Variants in PHACTR2 observed in about 807,000 individuals in gnomAD.
The protein encoded by PHACTR2 is chromosome 6 open reading frame 56.
In PHACTR2, 30 loss-of-function variants were observed where a neutral mutation model predicts 76.0. The observed-to-expected ratio is 0.39, with a 90% confidence interval of 0.30 to 0.54. The LOEUF (loss-of-function observed/expected upper bound fraction) is 0.54, where lower values mean the gene tolerates loss of function less well. Ranked by LOEUF, PHACTR2 falls within the 20% of genes least tolerant of loss-of-function variation. The probability of loss-of-function intolerance (pLI) is 0.61; values close to 1 mark genes in which losing one functional copy is unlikely to be tolerated. For missense variants in PHACTR2, 696 were observed against 781.1 expected (o/e 0.89, Z 1.30); for synonymous variants, 292 against 292.5 (o/e 1.00, Z 0.02).
chr6:143,771,178 ATATATATATATGTG>A (rs1562300771), intron 6 of PHACTR2, among the ~76,000 whole-genome samples: 56 of 26,114 alleles, frequency 2.1e-3, no homozygotes, highest in African/African-American at 9.0e-3. Flanking sequence ...ATATATGTAT[ATATATATATATGTG>A]TGTATATATA....
intron 1 of PHACTR2, among the ~76,000 whole-genome samples, chr6:143,565,163 A>G (rs770574874): frequency 5.9e-5 from 9 of 152,210 alleles, no homozygotes; most frequent in Non-Finnish European, 1.2e-4. Flanking sequence ...CATGCTAGGC[A>G]TTGTTCTAGG....
chr6:143,831,117 TTATA>T lies in PHACTR2; in HGVS notation c.*7430_*7433del, dbSNP rs1276147933. On this transcript the variant is annotated 3_prime_UTR_variant, in exon 13 of 13. Transcript: ENST00000440869. The surrounding 1 kb of genome is among the most constrained non-coding windows in gnomAD (Gnocchi z 5.2). ...GATATTGATGTTTTTATTGCCATTA[TTATA>T]TGTAAACATAAAAGATAGTCCATTT... 6.6e-6 allele frequency: 1 copy of T among 152,240 alleles called. No individual in the cohort carries two copies. Among genetic ancestry groups the T allele is most frequent in the African/African-American group, 2.4e-5 (1 of 41,456 alleles). The allele number at this position is 152,240 out of a possible 1,614,324, so 9.4% of individuals were successfully genotyped here. A position where few individuals can be genotyped will look rare whatever the true frequency, so the allele number is the denominator to read the frequency against.
rs1776360205 is a variant in PHACTR2, at chr6:143,819,045, A to C, written c.1923-4629A>C. On this transcript the variant is annotated intron_variant, in intron 12 of 12. Transcript: ENST00000440869. The surrounding 1 kb of genome is among the most constrained non-coding windows in gnomAD (Gnocchi z 5.0). ...TGTATATTAGTATACATTTACTTGTAATTAAGTTTAGGGGCTTCTGATTGG... is the reference window on the plus strand; with the variant it reads ...TGTATATTAGTATACATTTACTTGTCATTAAGTTTAGGGGCTTCTGATTGG... Among the ~76,000 whole-genome samples the C allele has an allele frequency of 6.6e-6, 1 of 152,168 alleles. No homozygotes were observed. The highest frequency in any genetic ancestry group is 6.5e-5 in the Admixed American group (1 of 15,280).
rs976859151 is a variant in PHACTR2, at chr6:143,718,266, A to G, written c.214+6083A>G. ...AGGTTCTGCTCCAAGAACTTGATTC[A>G]TATTAACTCACTAAATCATCAGTAC... On this transcript the variant is annotated intron_variant, in intron 2 of 12. Coordinates refer to ENST00000440869, the MANE Select transcript of PHACTR2 (RefSeq NM_001100164.2). 2.0e-5 allele frequency among the ~76,000 whole-genome samples: 3 copies of G among 152,202 alleles called. 1 individual carries two copies. Among genetic ancestry groups the G allele is most frequent in the Admixed American group, 1.3e-4 (2 of 15,280 alleles).
At position 143,550,265 on chromosome 6, in the gene PHACTR2, C is replaced by T. The variant is rs994262423; in HGVS notation, c.217+13058C>T. Among the ~76,000 whole-genome samples the T allele has an allele frequency of 1.3e-5, 2 of 152,036 alleles. No homozygotes were observed. The highest frequency in any genetic ancestry group is 4.8e-5 in the African/African-American group (2 of 41,426). On this transcript the variant is annotated intron_variant, in intron 1 of 11. Coordinates refer to the PHACTR2 transcript ENST00000367584. This position sits in a 1 kb window ranked among gnomAD's most constrained non-coding sequence, Gnocchi z 4.8. ...GGAATTGAGCTTGTGCACTTTCTAA[C>T]AGGCTTCTAAGTTTTGCTGACGCTG... is the stretch of plus-strand genomic sequence containing the variant.
rs1775619476 is a variant in PHACTR2 at position 143,789,058 on chromosome 6, G to A, written c.1845+148G>A. The A allele has an allele frequency of 1.5e-5, 9 of 617,966 alleles. No individual in the cohort carries two copies. The highest frequency in any genetic ancestry group is 2.3e-5 in the South Asian group (1 of 42,586). The allele number at this position is 617,966 out of a possible 1,614,324, so 38.3% of individuals were successfully genotyped here. A position where few individuals can be genotyped will look rare whatever the true frequency, so the allele number is the denominator to read the frequency against. ...GCCTCTGATTATTTAAGCCACTTAAGTGATACATTTAGTGATATCAATGTA... is the reference window on the plus strand; with the variant it reads ...GCCTCTGATTATTTAAGCCACTTAAATGATACATTTAGTGATATCAATGTA... On this transcript the variant is annotated intron_variant, in intron 11 of 12. Transcript: ENST00000440869. The surrounding 1 kb of genome is among the most constrained non-coding windows in gnomAD (Gnocchi z 5.1).
At position 143,558,411 on chromosome 6, in the gene PHACTR2, C is replaced by T. The variant is rs1334547011; in HGVS notation, c.217+21204C>T. Among the ~76,000 whole-genome samples the T allele has an allele frequency of 1.3e-5, 2 of 152,126 alleles. No individual in the cohort carries two copies. The highest frequency in any genetic ancestry group is 1.9e-4 in the East Asian group (1 of 5,194). On this transcript the variant is annotated intron_variant, in intron 1 of 11. Coordinates refer to the PHACTR2 transcript ENST00000367584. This position sits in a 1 kb window ranked among gnomAD's most constrained non-coding sequence, Gnocchi z 4.7. ...CCTTTCACCTACCTCTTTCCCGTTA[C>T]TATGTAAACATGTCCTATTTGCATT... is the stretch of plus-strand genomic sequence containing the variant.
At chr6:143,814,757 T>A (rs928478762) in intron 12 of PHACTR2, among the ~76,000 whole-genome samples, 4 of 151,950 alleles carry the variant, frequency 2.6e-5, no homozygotes, top group African/African-American at 9.7e-5. Flanking sequence ...CGCCCACCAC[T>A]ACGCCTGGCT....
intron 1 of PHACTR2, among the ~76,000 whole-genome samples, chr6:143,564,193 G>GCA (rs1562685619): frequency 2.1e-5 from 1 of 48,652 alleles, no homozygotes. Context: ...ATGTGTGTGT[G>GCA]TGCATATATA....
intron 1 of PHACTR2, among the ~76,000 whole-genome samples, chr6:143,650,990 C>CAA (rs202087638): frequency 6.7e-5 from 10 of 150,354 alleles, no homozygotes; most frequent in Non-Finnish European, 1.0e-4. Context: ...ACAAATTTAC[C>CAA]AAAAAAAACA....
intron 5 of PHACTR2, among the ~76,000 whole-genome samples, chr6:143,763,794 G>T (rs1181118190): frequency 6.6e-6 from 1 of 152,136 alleles, no homozygotes; most frequent in African/African-American, 2.4e-5. Context: ...CTTCAATAAA[G>T]TCATAACTGG....
chr6:143,666,414 G>C (rs181989610), intron 1 of PHACTR2, among the ~76,000 whole-genome samples: 35 of 152,214 alleles, frequency 2.3e-4, no homozygotes, highest in Non-Finnish European at 4.0e-4. Flanking sequence ...TGCTGGGTCA[G>C]TTGGTATTTC....
chr6:143,741,767 G>C (rs567229322), intron 2 of PHACTR2, among the ~76,000 whole-genome samples: 1 of 152,194 alleles, frequency 6.6e-6, no homozygotes, highest in East Asian at 1.9e-4. Context: ...CAAAAACCTA[G>C]AGAATCTGTG....
intron 12 of PHACTR2, among the ~76,000 whole-genome samples, chr6:143,814,811 C>A (rs2128485678): frequency 6.6e-6 from 1 of 152,080 alleles, no homozygotes; most frequent in South Asian, 2.1e-4. Context: ...ACCGTGTTAG[C>A]CAGGATGGTC....
In PHACTR2 at chr6:143,780,744, GC is replaced by G. The variant is rs1775409581; in HGVS notation, c.1646-2471del. Among the ~76,000 whole-genome samples the G allele has an allele frequency of 6.6e-6, 1 of 152,002 alleles. No homozygotes were observed. The highest frequency in any genetic ancestry group is 6.6e-5 in the Admixed American group (1 of 15,258). On this transcript the variant is annotated intron_variant, in intron 9 of 12. Transcript: ENST00000440869. This position sits in a 1 kb window ranked among gnomAD's most constrained non-coding sequence, Gnocchi z 4.4. Reference sequence around the variant, plus strand: ...TTCTTGCGGGTCGTCCGAAATGTTCGCCCCTCTCTGCTCTGATGAGAGTCAC... The same window carrying G: ...TTCTTGCGGGTCGTCCGAAATGTTCGCCCTCTCTGCTCTGATGAGAGTCAC...
At position 143,818,881 on chromosome 6, in the gene PHACTR2, C is replaced by T. The variant is rs1318741643; in HGVS notation, c.1923-4793C>T. ...AGCCAAACCATATCAATTTGCCTTT[C>T]ACATTGTATATAAAATATTTGATTT... On this transcript the variant is annotated intron_variant, in intron 12 of 12. Transcript: ENST00000440869. The surrounding 1 kb of genome is among the most constrained non-coding windows in gnomAD (Gnocchi z 4.9). Among the ~76,000 whole-genome samples the T allele has an allele frequency of 6.6e-6, 1 of 152,166 alleles. No individual in the cohort carries two copies. Among genetic ancestry groups the T allele is most frequent in the Non-Finnish European group, 1.5e-5 (1 of 68,036 alleles).
At chr6:143,711,949 A>G (rs1582798749) in intron 1 of PHACTR2, 67 bp from the exon 2 acceptor site, 2 of 1,380,282 alleles carry the variant, frequency 1.4e-6, no homozygotes, top group Non-Finnish European at 2.1e-6. Flanking sequence ...CCAGGGACCA[A>G]TTGATGATGT....
At position 143,578,617 on chromosome 6, in the gene PHACTR2, G is replaced by A. The variant is rs11970288; in HGVS notation, c.217+41410G>A. 0.28 allele frequency among the ~76,000 whole-genome samples: 42,980 copies of A among 151,782 alleles called. 6,104 individuals carry two copies. Among genetic ancestry groups the A allele is most frequent in the Middle Eastern group, 0.41 (122 of 294 alleles). On this transcript the variant is annotated intron_variant, in intron 1 of 11. Coordinates refer to the PHACTR2 transcript ENST00000367584. The surrounding 1 kb of genome is among the most constrained non-coding windows in gnomAD (Gnocchi z 4.5). ...TGTTGACTTGGATGCTGAGGGCTAC[G>A]TGGAGGGCCTGGACAATGAGGAGAG...
At chr6:143,614,647 C>T (rs867429611) in intron 1 of PHACTR2, among the ~76,000 whole-genome samples, 11 of 152,252 alleles carry the variant, frequency 7.2e-5, no homozygotes, top group Middle Eastern at 3.4e-3. Context: ...ATGTACATTT[C>T]ATGATACTTA....
Sources: allele counts gnomAD v4.1 joint callset (sites outside exome capture counted in the v4.1 genomes callset), GRCh38; gene constraint gnomAD v4.1.1; non-coding constraint Gnocchi (gnomAD v3.1); transcripts MANE v1.5; gene names NCBI Gene and HGNC (gene_info 2026-07-23, HGNC 2026-07-21).